The following KCNH1 variants were observed in gnomAD, a reference collection of about 807,000 sequenced individuals.
KCNH1 encodes potassium voltage-gated channel subfamily H member 1, also known as voltage-gated delayed rectifier potassium channel KCNH1.
In KCNH1, 27 loss-of-function variants were observed where a neutral mutation model predicts 69.2. That is an observed-to-expected ratio of 0.39 (90% CI 0.29 to 0.54). The LOEUF is 0.54. KCNH1 is among the 20% of genes least tolerant of loss of function. KCNH1 has a pLI of 0.68. For synonymous variants in KCNH1, 456 were observed against 487.7 expected, an observed-to-expected ratio of 0.93 and a Z score of 0.86; for missense variants, 798 against 1,261.6, an observed-to-expected ratio of 0.63 and a Z score of 5.57.
chr1:210,777,573 T>G (rs1683886334), intron 9 of KCNH1, among the ~76,000 whole-genome samples: 1 of 152,222 alleles, frequency 6.6e-6, no homozygotes, highest in Admixed American at 6.5e-5. Context: ...TCATTTATTG[T>G]GTACTCCCTA....
intron 6 of KCNH1, among the ~76,000 whole-genome samples, chr1:210,951,523 G>T (rs973378506): frequency 6.6e-6 from 1 of 152,104 alleles, no homozygotes; most frequent in African/African-American, 2.4e-5. Flanking sequence ...CAGTTTGTCG[G>T]TTTGAGTTTA....
chr1:210,784,307 C>T (rs890561399), intron 9 of KCNH1, among the ~76,000 whole-genome samples: 2 of 152,164 alleles, frequency 1.3e-5, no homozygotes, highest in African/African-American at 4.8e-5. Context: ...TGCTTTTTAT[C>T]CTTACTGCAA....
chr1:210,885,511 C>A (rs888832736), intron 7 of KCNH1, among the ~76,000 whole-genome samples: 1 of 151,874 alleles, frequency 6.6e-6, no homozygotes, highest in Non-Finnish European at 1.5e-5. Context: ...TTTTTTCATA[C>A]CCCAGTGGCA....
Position 210,853,946 on chromosome 1 carries a change from CAAA to C in KCNH1, c.1463-49783_1463-49781del, listed in dbSNP as rs11445997. Reference sequence around the variant, plus strand: ...TAGCAGTAAAAGCATTTATCTAAGCCAAAAAAAAAAAAAAAAAAAAAAGAAACC... The same window carrying C: ...TAGCAGTAAAAGCATTTATCTAAGCCAAAAAAAAAAAAAAAAAAAGAAACC... On this transcript the variant is annotated intron_variant, in intron 7 of 10. Coordinates refer to ENST00000271751, the MANE Select transcript of KCNH1 (RefSeq NM_172362.3). Among the ~76,000 whole-genome samples, 46 of 61,532 alleles carry C rather than the reference CAAA, an allele frequency of 7.5e-4. 1 individual carries two copies. The East Asian group carries it at 7.7e-3, about 10-fold the overall frequency. 40.4% of individuals were successfully genotyped at this position (61,532 alleles called of 152,430 possible).
chr1:211,011,822 C>G (rs1412671373), intron 6 of KCNH1, among the ~76,000 whole-genome samples: 1 of 152,212 alleles, frequency 6.6e-6, no homozygotes, highest in African/African-American at 2.4e-5. Context: ...TCTGCTTTAA[C>G]AAGAGGCATG....
intron 7 of KCNH1, among the ~76,000 whole-genome samples, chr1:210,815,542 C>G (rs1558481361): frequency 6.6e-6 from 1 of 152,158 alleles, no homozygotes. Flanking sequence ...TCTTTCCCCA[C>G]TTCTTACTTA....
chr1:210,925,675 C>G (rs905294544), intron 6 of KCNH1, among the ~76,000 whole-genome samples: 6 of 152,184 alleles, frequency 3.9e-5, no homozygotes, highest in Admixed American at 3.3e-4. Context: ...GAATATAACT[C>G]CACTGGACTG....
At chr1:210,975,216 T>C (rs1362984879) in intron 6 of KCNH1, among the ~76,000 whole-genome samples, 1 of 152,128 alleles carries the variant, frequency 6.6e-6, no homozygotes, top group Non-Finnish European at 1.5e-5. Context: ...TGAAGAATAG[T>C]TTTGATATAT....
intron 5 of KCNH1, among the ~76,000 whole-genome samples, chr1:211,067,329 C>A (rs1690550482): frequency 6.6e-6 from 1 of 152,232 alleles, no homozygotes; most frequent in South Asian, 2.1e-4. Context: ...CAGCCTCCAG[C>A]TGCTGGTTCC....
chr1:210,794,598 T>C (rs1684271398), intron 9 of KCNH1, among the ~76,000 whole-genome samples: 1 of 152,192 alleles, frequency 6.6e-6, no homozygotes, highest in Admixed American at 6.5e-5. Flanking sequence ...GGAAGCTGTT[T>C]GTCTTCCCCA....
intron 6 of KCNH1, among the ~76,000 whole-genome samples, chr1:210,962,523 T>C (rs753911809): frequency 2.0e-5 from 3 of 152,178 alleles, no homozygotes; most frequent in Non-Finnish European, 4.4e-5. Context: ...CCCTGGGTTT[T>C]ATTTAATTTT....
chr1:211,040,166 G>T (rs1689967077), intron 5 of KCNH1, among the ~76,000 whole-genome samples: 1 of 151,080 alleles, frequency 6.6e-6, no homozygotes, highest in Non-Finnish European at 1.5e-5. Context: ...ACTCTAGTCT[G>T]GGCAACAGAG....
intron 5 of KCNH1, 42 bp downstream of exon 5, chr1:211,082,738 C>A: frequency 6.6e-7 from 1 of 1,518,068 alleles, no homozygotes; most frequent in African/African-American, 1.4e-5. Flanking sequence ...CCATGCACCC[C>A]CTAAAAGTGA....
chr1:210,997,442 C>T (rs190891763), intron 6 of KCNH1, among the ~76,000 whole-genome samples: 63 of 151,946 alleles, frequency 4.1e-4, no homozygotes, highest in African/African-American at 1.1e-3. Flanking sequence ...TGAAACGAAG[C>T]GAGAAGGTAA....
chr1:210,684,253 A>G, intron 10 of KCNH1, 115 bp from the exon 11 acceptor site: 1 of 1,152,158 alleles, frequency 8.7e-7, no homozygotes, highest in Non-Finnish European at 1.2e-6. Context: ...CCTGCCACCA[A>G]GAGGCTGGGG....
At chr1:210,960,649 A>G (rs555952967) in intron 6 of KCNH1, among the ~76,000 whole-genome samples, 135 of 152,340 alleles carry the variant, frequency 8.9e-4, no homozygotes, top group South Asian at 3.9e-3. Context: ...ATCACAATAT[A>G]CTTACCCATT....
intron 5 of KCNH1, among the ~76,000 whole-genome samples, chr1:211,078,880 T>C (rs1006930630): frequency 7.6e-5 from 10 of 131,442 alleles, no homozygotes; most frequent in South Asian, 7.0e-4. Context: ...ATCACACCAC[T>C]GCACTCCAGC....
chr1:211,082,812 C>T lies in KCNH1; in HGVS notation c.526G>A (p.Glu176Lys). The T allele has an allele frequency of 1.2e-6, 2 of 1,614,114 alleles. No individual in the cohort carries two copies. The highest frequency in any genetic ancestry group is 1.7e-6 in the Non-Finnish European group (2 of 1,179,968). Reference sequence around the variant, plus strand: ...AGGCGGGAGTGCTTGTGGACATTCTCGCCTTTTTGCACGCTTGGAGCCAGC... The same window carrying T: ...AGGCGGGAGTGCTTGTGGACATTCTTGCCTTTTTGCACGCTTGGAGCCAGC... Reference protein sequence around the residue: ...QQLAPSVQKGENVHKHSRLAE... With the variant: ...QQLAPSVQKGKNVHKHSRLAE... Residue 176 changes from glutamate (E) to lysine (K), a missense_variant, in exon 5 of 11, where the codon GAG becomes AAG. Glu to Lys is a moderately conservative substitution (Grantham distance 56, BLOSUM62 1). Coordinates refer to ENST00000271751, the MANE Select transcript of KCNH1 (RefSeq NM_172362.3).
intron 6 of KCNH1, among the ~76,000 whole-genome samples, chr1:210,957,633 G>A (rs551663838): frequency 7.2e-5 from 11 of 152,134 alleles, no homozygotes; most frequent in South Asian, 6.2e-4. Flanking sequence ...GTTAGTTAGC[G>A]CTTCTTGTTG....
Sources: allele counts gnomAD v4.1 joint callset (sites outside exome capture counted in the v4.1 genomes callset), GRCh38; gene constraint gnomAD v4.1.1; transcripts MANE v1.5; gene names NCBI Gene and HGNC (gene_info 2026-07-23, HGNC 2026-07-21).